The following ZNF385D variants were observed in gnomAD, a reference collection of about 807,000 sequenced individuals.
The protein encoded by ZNF385D is zinc finger protein 659.
In ZNF385D, 15 loss-of-function variants were observed where a neutral mutation model predicts 35.8. That is an observed-to-expected ratio of 0.42 (90% CI 0.28 to 0.64). The LOEUF (loss-of-function observed/expected upper bound fraction) is 0.64, where lower values mean the gene tolerates loss of function less well. Ranked by LOEUF, ZNF385D falls within the 30% of genes least tolerant of loss-of-function variation. The pLI, the probability that ZNF385D is intolerant of heterozygous loss-of-function variation, is 0.23. For synonymous variants in ZNF385D, 212 were observed against 186.8 expected (o/e 1.13, Z -1.10); for missense variants, 474 against 494.6 (o/e 0.96, Z 0.39).
intron 2 of ZNF385D, among the ~76,000 whole-genome samples, chr3:22,189,423 C>G (rs1050288136): frequency 6.6e-6 from 1 of 152,080 alleles, no homozygotes; most frequent in Non-Finnish European, 1.5e-5. Flanking sequence ...TCAGTCTATA[C>G]CTTGAGATCT....
Position 21,608,582 on chromosome 3 carries a change from A to G in ZNF385D, c.166-43898T>C, listed in dbSNP as rs193016705. Among the ~76,000 whole-genome samples, 236 of 152,332 alleles carry G rather than the reference A, an allele frequency of 1.5e-3. 1 individual carries two copies. The highest frequency in any genetic ancestry group is 5.4e-3 in the African/African-American group (224 of 41,576). On this transcript the variant is annotated intron_variant, in intron 2 of 7. Transcript: ENST00000281523. Reference sequence around the variant, plus strand: ...AAAGAATTTACCTAAAACAGTTGCTATGAAAATAAATTAATACGTGGAAAG... The same window carrying G: ...AAAGAATTTACCTAAAACAGTTGCTGTGAAAATAAATTAATACGTGGAAAG...
chr3:22,307,907 T>G (rs1298717171), intron 2 of ZNF385D, among the ~76,000 whole-genome samples: 1 of 152,110 alleles, frequency 6.6e-6, no homozygotes, highest in African/African-American at 2.4e-5. Flanking sequence ...AGGGGAAATT[T>G]ATAAAAGATA....
chr3:21,915,032 C>T (rs894757921), intron 3 of ZNF385D, among the ~76,000 whole-genome samples: 1 of 148,656 alleles, frequency 6.7e-6, no homozygotes, highest in African/African-American at 2.5e-5. Flanking sequence ...AATAGAAATC[C>T]AGAGTGTAAA....
intron 3 of ZNF385D, among the ~76,000 whole-genome samples, chr3:21,771,505 A>G (rs2071077326): frequency 6.6e-6 from 1 of 151,978 alleles, no homozygotes; most frequent in African/African-American, 2.4e-5. Flanking sequence ...AAGTCAACAG[A>G]AATTGTTCCT....
chr3:21,726,054 T>C (rs1480246982), intron 1 of ZNF385D, among the ~76,000 whole-genome samples: 1 of 152,062 alleles, frequency 6.6e-6, no homozygotes, highest in East Asian at 1.9e-4. Flanking sequence ...ATCCATCACA[T>C]AAACAGAACC....
At chr3:22,194,429 T>G (rs943119112) in intron 2 of ZNF385D, among the ~76,000 whole-genome samples, 1 of 151,908 alleles carries the variant, frequency 6.6e-6, no homozygotes, top group Admixed American at 6.6e-5. Flanking sequence ...TCATTTTCCC[T>G]CAAATGGCTA....
intron 2 of ZNF385D, among the ~76,000 whole-genome samples, chr3:22,202,021 TGGCTTTTGC>T (rs2125244367): frequency 6.6e-6 from 1 of 152,184 alleles, no homozygotes; most frequent in Admixed American, 6.5e-5. Context: ...TTTCTATTGG[TGGCTTTTGC>T]ACCTAAAGTT....
chr3:22,019,034 C>CTTTTTTTTTTTT lies in ZNF385D; in HGVS notation c.325+149771_325+149782dup, dbSNP rs11380195. ...CAGTTTCATGGATAGAGTTATTTAC[C>CTTTTTTTTTTTT]TTTTTTTTTTTTTTTTTTTTTTTTT... On this transcript the variant is annotated intron_variant, in intron 3 of 5. Coordinates refer to the ZNF385D transcript ENST00000494108. Among the ~76,000 whole-genome samples, 35 of 64,464 alleles carry CTTTTTTTTTTTT rather than the reference C, an allele frequency of 5.4e-4. 5 individuals are homozygous for CTTTTTTTTTTTT. Among genetic ancestry groups the CTTTTTTTTTTTT allele is most frequent in the Admixed American group, 8.5e-4 (5 of 5,894 alleles). 42.3% of individuals were successfully genotyped at this position (64,464 alleles called of 152,430 possible).
In ZNF385D at chr3:22,037,345, C is replaced by T. The variant is rs1349928992; in HGVS notation, c.325+131472G>A. On this transcript the variant is annotated intron_variant, in intron 3 of 5. Coordinates refer to the ZNF385D transcript ENST00000494108. ...TCCCACCAACAGTGTAAAAGTGTTC[C>T]TATTTCTCCACATCCTCTCCAGCAC... Among the ~76,000 whole-genome samples, 8 of 150,432 alleles carry T rather than the reference C, an allele frequency of 5.3e-5. 1 individual carries two copies. The South Asian group carries it at 1.7e-3, about 32-fold the overall frequency.
intron 2 of ZNF385D, among the ~76,000 whole-genome samples, chr3:22,321,899 A>G (rs1003985317): frequency 2.6e-5 from 4 of 152,072 alleles, no homozygotes; most frequent in African/African-American, 7.2e-5. Context: ...GTGTCTCAAT[A>G]TTAATTTTTA....
At chr3:21,899,529 T>C (rs75904499) in intron 3 of ZNF385D, among the ~76,000 whole-genome samples, 8,458 of 152,130 alleles carry the variant, frequency 0.056, 390 homozygotes, top group South Asian at 0.2. Flanking sequence ...AGTTCCCAGG[T>C]GACAATTATG....
chr3:21,567,464 C>T (rs999859267), intron 2 of ZNF385D, among the ~76,000 whole-genome samples: 2 of 152,102 alleles, frequency 1.3e-5, no homozygotes, highest in Admixed American at 1.3e-4. Flanking sequence ...TGTGAATCTG[C>T]GCTGCTTCAA....
chr3:22,102,122 T>G (rs975186946), intron 3 of ZNF385D, among the ~76,000 whole-genome samples: 2 of 151,880 alleles, frequency 1.3e-5, no homozygotes, highest in African/African-American at 4.8e-5. Flanking sequence ...AAAATGCCCT[T>G]GGATTGACAA....
At chr3:21,648,115 C>G (rs1299870966) in intron 2 of ZNF385D, among the ~76,000 whole-genome samples, 1 of 152,056 alleles carries the variant, frequency 6.6e-6, no homozygotes, top group East Asian at 1.9e-4. Context: ...AATGTCATCT[C>G]GAATTGTAAT....
At chr3:21,906,893 T>A (rs1030590619) in intron 3 of ZNF385D, among the ~76,000 whole-genome samples, 2 of 152,162 alleles carry the variant, frequency 1.3e-5, no homozygotes, top group Admixed American at 1.3e-4. Context: ...TCAAAGTCCA[T>A]TGCCAGGTAA....
chr3:22,068,672 T>C (rs898413589), intron 3 of ZNF385D, among the ~76,000 whole-genome samples: 2 of 152,254 alleles, frequency 1.3e-5, no homozygotes, highest in Admixed American at 6.5e-5. Context: ...TCCTCTCACA[T>C]ATGTGAAAGG....
At chr3:21,740,502 G>C (rs143502193) in intron 1 of ZNF385D, among the ~76,000 whole-genome samples, 5 of 152,114 alleles carry the variant, frequency 3.3e-5, no homozygotes, top group Non-Finnish European at 5.9e-5. Flanking sequence ...ACTGTAATAT[G>C]GACTTCTTTT....
At chr3:21,695,139 T>C (rs998101947) in intron 1 of ZNF385D, among the ~76,000 whole-genome samples, 46 of 152,218 alleles carry the variant, frequency 3.0e-4, no homozygotes, top group Admixed American at 3.9e-4. Flanking sequence ...ATCATCATTG[T>C]AAGTGTTACC....
chr3:22,283,369 G>A (rs1701866807), intron 2 of ZNF385D, among the ~76,000 whole-genome samples: 1 of 152,082 alleles, frequency 6.6e-6, no homozygotes, highest in Non-Finnish European at 1.5e-5. Flanking sequence ...CCCAACAACT[G>A]CAGAATATAC....
Sources: allele counts gnomAD v4.1 joint callset (sites outside exome capture counted in the v4.1 genomes callset), GRCh38; gene constraint gnomAD v4.1.1; transcripts MANE v1.5; gene names NCBI Gene and HGNC (gene_info 2026-07-23, HGNC 2026-07-21).